Variants in MFSD8 observed in about 807,000 individuals in gnomAD.
MFSD8 encodes major facilitator superfamily domain containing 8.
Under a neutral mutation model 66.4 loss-of-function variants are expected in MFSD8, and 55 were observed. The observed-to-expected ratio is 0.83, with a 90% CI of 0.67 to 1.04. The LOEUF is 1.04. MFSD8 is among the 50% of genes least tolerant of loss of function. The pLI, the probability that MFSD8 is intolerant of heterozygous loss-of-function variation, is 0.00. For missense variants in MFSD8, 550 were observed against 627.6 expected, an observed-to-expected ratio of 0.88 and a Z score of 1.32; for synonymous variants, 202 against 212.8, an observed-to-expected ratio of 0.95 and a Z score of 0.44.
At chr4:127,963,167 C>G (rs1744079467) in intron 1 of MFSD8, among the ~76,000 whole-genome samples, 1 of 152,206 alleles carries the variant, frequency 6.6e-6, no homozygotes. Context: ...ATTAGTCTTT[C>G]TTTGTACATT....
At chr4:127,963,472 A>G (rs1744172284) in intron 1 of MFSD8, among the ~76,000 whole-genome samples, 2 of 152,176 alleles carry the variant, frequency 1.3e-5, no homozygotes, top group South Asian at 4.2e-4. Flanking sequence ...TTAAGGTGGC[A>G]CGTCTGGAGT....
At chr4:127,947,275 A>G (rs1288724956) in intron 3 of MFSD8, among the ~76,000 whole-genome samples, 1 of 152,054 alleles carries the variant, frequency 6.6e-6, no homozygotes, top group Non-Finnish European at 1.5e-5. Context: ...CTGTAATCCC[A>G]GCTACTTGGA....
chr4:127,945,100 T>C (rs1237098155), intron 3 of MFSD8, among the ~76,000 whole-genome samples: 1 of 151,910 alleles, frequency 6.6e-6, no homozygotes. Flanking sequence ...AGCCCAGGAG[T>C]TGGAGGCTGT....
At chr4:127,939,604 C>CA (rs10553488) in intron 6 of MFSD8, 1,047 of 80,940 alleles carry the variant, frequency 0.013, 1 homozygote, top group South Asian at 0.034. Flanking sequence ...GATCTTGTCT[C>CA]AAAAAAAAAA....
intron 6 of MFSD8, 136 bp downstream of exon 6, chr4:127,939,717 C>G: frequency 1.1e-6 from 1 of 935,304 alleles, no homozygotes; most frequent in South Asian, 1.8e-5. Flanking sequence ...TTAGTACTAC[C>G]TGACCAAAAA....
At chr4:127,957,745 C>T (rs1416716073) in intron 1 of MFSD8, among the ~76,000 whole-genome samples, 153 bp from the exon 2 acceptor site, 4 of 152,078 alleles carry the variant, frequency 2.6e-5, no homozygotes, top group Non-Finnish European at 5.9e-5. Flanking sequence ...TATGAATAAG[C>T]ATTATTTTTT....
intron 1 of MFSD8, 42 bp downstream of exon 1, chr4:127,965,030 A>G (rs1412323270): frequency 6.2e-7 from 1 of 1,606,354 alleles, no homozygotes; most frequent in South Asian, 1.1e-5. Flanking sequence ...CAGTCCCAAC[A>G]GCGCAGGAGA....
At chr4:127,925,499 C>T (rs1386468974) in intron 9 of MFSD8, among the ~76,000 whole-genome samples, 1 of 152,208 alleles carries the variant, frequency 6.6e-6, no homozygotes, top group African/African-American at 2.4e-5. Flanking sequence ...AGCTCATCAT[C>T]ACTGGTCATT....
chr4:127,947,863 A>AACACAC (rs10648496), intron 3 of MFSD8, among the ~76,000 whole-genome samples: 2,370 of 141,110 alleles, frequency 0.017, 38 homozygotes, highest in African/African-American at 0.03. Context: ...TGCACGTGTG[A>AACACAC]ACACACACAC....
chr4:127,953,543 G>GTTTTTTTTTTT (rs952826538), intron 2 of MFSD8, among the ~76,000 whole-genome samples: 2 of 67,032 alleles, frequency 3.0e-5, no homozygotes, highest in African/African-American at 6.3e-5. Context: ...AAGGCATTCT[G>GTTTTTTTTTTT]TTTTTTTTTT....
intron 2 of MFSD8, among the ~76,000 whole-genome samples, chr4:127,952,081 A>T (rs927419286): frequency 1.2e-4 from 18 of 151,982 alleles, no homozygotes; most frequent in African/African-American, 4.4e-4. Flanking sequence ...TTCCTTATAT[A>T]AACCCTATTT....
intron 1 of MFSD8, among the ~76,000 whole-genome samples, chr4:127,958,235 T>C (rs1743202588): frequency 6.6e-6 from 1 of 152,196 alleles, no homozygotes; most frequent in Non-Finnish European, 1.5e-5. Flanking sequence ...CAAAGGCATG[T>C]ATACTAAGTA....
At chr4:127,950,739 A>T (rs1247923840) in intron 2 of MFSD8, among the ~76,000 whole-genome samples, 1 of 151,876 alleles carries the variant, frequency 6.6e-6, no homozygotes, top group African/African-American at 2.4e-5. Flanking sequence ...AAATCAAGAA[A>T]TTCTATAAAG....
At chr4:127,925,862 G>A (rs1204973363) in intron 9 of MFSD8, among the ~76,000 whole-genome samples, 1 of 152,132 alleles carries the variant, frequency 6.6e-6, no homozygotes, top group Non-Finnish European at 1.5e-5. Context: ...ATGACAGACT[G>A]GATAAAGAAA....
At chr4:127,923,317 T>TA (rs1736621077) in intron 9 of MFSD8, among the ~76,000 whole-genome samples, 1 of 152,124 alleles carries the variant, frequency 6.6e-6, no homozygotes, top group Non-Finnish European at 1.5e-5. Context: ...TATCAGTTTA[T>TA]TGAGTGTTGT....
chr4:127,930,892 A>G, intron 8 of MFSD8, 75 bp from the exon 9 acceptor site: 1 of 1,403,030 alleles, frequency 7.1e-7, no homozygotes, highest in South Asian at 1.3e-5. Context: ...TGTAAGTTTT[A>G]ATAACGACAT....
rs181941949 is a variant in MFSD8, at chr4:127,918,308, T to G, written c.*2322A>C. 1 of 152,180 alleles carries G rather than the reference T, an allele frequency of 6.6e-6. No homozygotes were observed. The highest frequency in any genetic ancestry group is 1.5e-5 in the Non-Finnish European group (1 of 68,030). 9.4% of individuals were successfully genotyped at this position (152,180 alleles called of 1,614,324 possible). Reference sequence around the variant, plus strand: ...TCTCCTTGCTCTTTTCCCAATCCCATGTTACTTCCTTTCGCCTTCTTTTGT... The same window carrying G: ...TCTCCTTGCTCTTTTCCCAATCCCAGGTTACTTCCTTTCGCCTTCTTTTGT... On this transcript the variant is annotated 3_prime_UTR_variant, in exon 12 of 12. Coordinates refer to ENST00000641686, the MANE Select transcript of MFSD8 (RefSeq NM_001371596.2).
intron 7 of MFSD8, among the ~76,000 whole-genome samples, chr4:127,935,123 T>C (rs1738847169): frequency 6.6e-6 from 1 of 152,242 alleles, no homozygotes; most frequent in African/African-American, 2.4e-5. Flanking sequence ...CATAGCCTTA[T>C]GACCTTCCTT....
At chr4:127,924,424 C>T (rs1427553857) in intron 9 of MFSD8, among the ~76,000 whole-genome samples, 24 of 152,156 alleles carry the variant, frequency 1.6e-4, no homozygotes, top group Admixed American at 1.6e-3. Context: ...GCAAAAATCA[C>T]AAGCATTCCT....
Sources: allele counts gnomAD v4.1 joint callset (sites outside exome capture counted in the v4.1 genomes callset), GRCh38; gene constraint gnomAD v4.1.1; transcripts MANE v1.5; gene names NCBI Gene and HGNC (gene_info 2026-07-23, HGNC 2026-07-21).